CNTNAP2: variants seen among roughly 807,000 people sequenced by gnomAD.
CNTNAP2 encodes the protein contactin-associated protein-like 2.
A neutral mutation model predicts 155.2 loss-of-function variants in CNTNAP2; 98 were observed. The ratio of observed to expected loss-of-function variants is 0.63; its 90% CI spans 0.54 to 0.75. The LOEUF is 0.75. CNTNAP2 is among the 30% of genes least tolerant of loss of function. The pLI, the probability that CNTNAP2 is intolerant of heterozygous loss-of-function variation, is 0.00. For missense variants in CNTNAP2, 1,727 were observed against 1,688.1 expected, an observed-to-expected ratio of 1.02 and a Z score of -0.40; for synonymous variants, 651 against 631.2, an observed-to-expected ratio of 1.03 and a Z score of -0.47.
chr7:147,298,407 A>G (rs1584854970), intron 8 of CNTNAP2, among the ~76,000 whole-genome samples: 1 of 152,094 alleles, frequency 6.6e-6, no homozygotes, highest in East Asian at 1.9e-4. Context: ...CTAGGAAACA[A>G]GAGTGAAACT....
Position 147,105,407 on chromosome 7 carries a change from C to G in CNTNAP2, c.551-2740C>G, listed in dbSNP as rs957490329. On this transcript the variant is annotated intron_variant, in intron 4 of 23. Transcript: ENST00000361727. ...CAGTTCAACCATACATATTTAATCACCGCATCGAAAACTTAATTCTAGGGA... is the reference window on the plus strand; with the variant it reads ...CAGTTCAACCATACATATTTAATCAGCGCATCGAAAACTTAATTCTAGGGA... Among the ~76,000 whole-genome samples, 9 of 152,028 alleles carry G rather than the reference C, an allele frequency of 5.9e-5. No individual in the cohort carries two copies. In the East Asian group the frequency reaches 1.5e-3, roughly 26 times the overall value.
intron 1 of CNTNAP2, among the ~76,000 whole-genome samples, chr7:146,487,221 C>T (rs1797070667): frequency 1.3e-5 from 2 of 152,136 alleles, no homozygotes; most frequent in African/African-American, 4.8e-5. Flanking sequence ...TAAGTTGTTT[C>T]AGTGCCAAAC....
At chr7:147,899,894 A>G (rs370917139) in intron 13 of CNTNAP2, among the ~76,000 whole-genome samples, 1 of 71,120 alleles carries the variant, frequency 1.4e-5, no homozygotes, top group African/African-American at 4.8e-5. Context: ...CTCCATCTCA[A>G]AAAAAAAAAA....
intron 15 of CNTNAP2, among the ~76,000 whole-genome samples, chr7:148,082,839 C>T (rs539675986): frequency 8.5e-5 from 13 of 152,212 alleles, no homozygotes; most frequent in Admixed American, 8.5e-4. Context: ...CCACCACGCC[C>T]AGCTAATTTT....
At chr7:148,382,400 G>T (rs1320728731) in intron 21 of CNTNAP2, among the ~76,000 whole-genome samples, 1 of 152,158 alleles carries the variant, frequency 6.6e-6, no homozygotes, top group East Asian at 1.9e-4. Flanking sequence ...ATACGGCTTT[G>T]AAACAATTGA....
In CNTNAP2 at chr7:147,364,318, C is replaced by CT. The variant is rs1456477112; in HGVS notation, c.1499-31289dup. Among the ~76,000 whole-genome samples the CT allele has an allele frequency of 1.1e-4, 17 of 152,150 alleles. 1 individual carries two copies. Among genetic ancestry groups the CT allele is most frequent in the Admixed American group, 1.1e-3 (17 of 15,280 alleles). ...GTTATTTCCATGTACACACTGAACA[C>CT]TTAGAAAATTATATGTGTAACTTTA... On this transcript the variant is annotated intron_variant, in intron 9 of 23. Transcript: ENST00000361727.
At chr7:147,086,078 T>C (rs748331713) in intron 4 of CNTNAP2, among the ~76,000 whole-genome samples, 1 of 152,152 alleles carries the variant, frequency 6.6e-6, no homozygotes, top group Non-Finnish European at 1.5e-5. Context: ...CCAAGAGAAC[T>C]TCATTAGTGT....
At chr7:146,575,103 G>C (rs1337277198) in intron 1 of CNTNAP2, among the ~76,000 whole-genome samples, 1 of 152,126 alleles carries the variant, frequency 6.6e-6, no homozygotes, top group Non-Finnish European at 1.5e-5. Context: ...GTTCATTTAA[G>C]CTCTAGTGAT....
chr7:146,573,175 GCTCTGT>G (rs1426710421), intron 1 of CNTNAP2, among the ~76,000 whole-genome samples: 1 of 152,046 alleles, frequency 6.6e-6, no homozygotes, highest in Non-Finnish European at 1.5e-5. Context: ...ACAGAGTCTC[GCTCTGT>G]CTCCAGGCTG....
intron 11 of CNTNAP2, among the ~76,000 whole-genome samples, chr7:147,494,037 C>A (rs1426804790): frequency 2.6e-5 from 4 of 152,132 alleles, no homozygotes; most frequent in African/African-American, 4.8e-5. Flanking sequence ...CGCATTCTCA[C>A]CAGGACTAAA....
chr7:147,904,246 A>T (rs1799922292), intron 14 of CNTNAP2, among the ~76,000 whole-genome samples: 1 of 152,208 alleles, frequency 6.6e-6, no homozygotes, highest in Admixed American at 6.5e-5. Context: ...TTTCTTTCAT[A>T]CCTGGAATTG....
chr7:146,741,403 T>C (rs1801714084), intron 1 of CNTNAP2, among the ~76,000 whole-genome samples: 1 of 152,152 alleles, frequency 6.6e-6, no homozygotes, highest in African/African-American at 2.4e-5. Context: ...CACAGGAGAA[T>C]TGCAAAGATG....
At chr7:148,284,497 C>T (rs887157183) in intron 21 of CNTNAP2, among the ~76,000 whole-genome samples, 3 of 151,432 alleles carry the variant, frequency 2.0e-5, no homozygotes, top group Admixed American at 6.6e-5. Context: ...ACGTCTTTAT[C>T]AGCAAAGTGA....
At chr7:148,225,423 T>A (rs1031939866) in intron 19 of CNTNAP2, among the ~76,000 whole-genome samples, 1 of 152,216 alleles carries the variant, frequency 6.6e-6, no homozygotes, top group Non-Finnish European at 1.5e-5. Context: ...AACCGGTGAC[T>A]GCAAAGGCCC....
intron 8 of CNTNAP2, among the ~76,000 whole-genome samples, chr7:147,207,496 G>C (rs1309667381): frequency 6.6e-6 from 1 of 151,978 alleles, no homozygotes; most frequent in East Asian, 1.9e-4. Flanking sequence ...ATATAATATA[G>C]CATCATTCTA....
chr7:146,711,238 CAT>C (rs1179255720), intron 1 of CNTNAP2, among the ~76,000 whole-genome samples: 1 of 146,302 alleles, frequency 6.8e-6, no homozygotes, highest in East Asian at 2.0e-4. Flanking sequence ...TATACATATA[CAT>C]ATATATTTTA....
chr7:148,138,411 C>A (rs1805000498), intron 16 of CNTNAP2, among the ~76,000 whole-genome samples: 1 of 152,186 alleles, frequency 6.6e-6, no homozygotes, highest in African/African-American at 2.4e-5. Flanking sequence ...ATTCTCCTTT[C>A]TCCTTGCACT....
intron 10 of CNTNAP2, among the ~76,000 whole-genome samples, chr7:147,398,785 C>A (rs960278476): frequency 3.4e-5 from 5 of 147,104 alleles, no homozygotes; most frequent in Non-Finnish European, 7.5e-5. Context: ...AATCCTTGAA[C>A]AGGACAGATA....
chr7:148,034,660 A>G (rs192462020), intron 15 of CNTNAP2, among the ~76,000 whole-genome samples: 1 of 152,334 alleles, frequency 6.6e-6, no homozygotes, highest in East Asian at 1.9e-4. Context: ...GTGTTGCTAT[A>G]GTAAATACCT....
Sources: allele counts gnomAD v4.1 joint callset (sites outside exome capture counted in the v4.1 genomes callset), GRCh38; gene constraint gnomAD v4.1.1; transcripts MANE v1.5; gene names NCBI Gene and HGNC (gene_info 2026-07-23, HGNC 2026-07-21).